The following UBE2L3 variants were observed in gnomAD, a reference collection of about 807,000 sequenced individuals.
UBE2L3 encodes ubiquitin-conjugating enzyme E2 L3.
A neutral mutation model predicts 17.8 loss-of-function variants in UBE2L3; 1 was observed. That is an observed-to-expected ratio of 0.06 (90% confidence interval 0.02 to 0.27). The LOEUF (loss-of-function observed/expected upper bound fraction) is 0.27, where lower values mean the gene tolerates loss of function less well. Among genes scored for constraint, UBE2L3 ranks in the 10% least tolerant of loss-of-function variants. UBE2L3 has a pLI of 1.00. For missense variants in UBE2L3, 40 were observed against 192.6 expected (o/e 0.21, Z 4.69); for synonymous variants, 44 against 68.5 (o/e 0.64, Z 1.76).
intron 2 of UBE2L3, among the ~76,000 whole-genome samples, chr22:21,610,007 C>A (rs1314055470): frequency 6.6e-6 from 1 of 152,098 alleles, no homozygotes; most frequent in African/African-American, 2.4e-5. Context: ...GCCTGGGCAA[C>A]AGACTCTGAA....
chr22:21,588,005 T>C (rs1376420079), intron 1 of UBE2L3, among the ~76,000 whole-genome samples: 1 of 152,242 alleles, frequency 6.6e-6, no homozygotes, highest in South Asian at 2.1e-4. Flanking sequence ...GGAAGCCTGC[T>C]GTCCCCATCA....
At chr22:21,570,248 G>T (rs1408497836) in intron 1 of UBE2L3, among the ~76,000 whole-genome samples, 1 of 151,986 alleles carries the variant, frequency 6.6e-6, no homozygotes, top group Non-Finnish European at 1.5e-5. Flanking sequence ...ACCCAGTTTG[G>T]AATCTCCAGG....
intron 2 of UBE2L3, among the ~76,000 whole-genome samples, chr22:21,606,104 T>G (rs1420222886): frequency 6.6e-6 from 1 of 152,236 alleles, no homozygotes; most frequent in East Asian, 1.9e-4. Flanking sequence ...TCAGACTCTT[T>G]AAGCTAGGAA....
At chr22:21,606,524 T>TC (rs1055059323) in intron 2 of UBE2L3, among the ~76,000 whole-genome samples, 9 of 152,122 alleles carry the variant, frequency 5.9e-5, no homozygotes, top group African/African-American at 2.2e-4. Context: ...TTTACTTACT[T>TC]CCCCCCACCA....
At chr22:21,619,737 G>A (rs748370006) in intron 3 of UBE2L3, among the ~76,000 whole-genome samples, 1 of 152,224 alleles carries the variant, frequency 6.6e-6, no homozygotes, top group East Asian at 1.9e-4. Flanking sequence ...TGTTGCCCAA[G>A]CTAGAGTGCA....
At chr22:21,563,784 C>T (rs1310656629), upstream of UBE2L3, among the ~76,000 whole-genome samples, 1 of 151,326 alleles carries the variant, frequency 6.6e-6, no homozygotes, top group Non-Finnish European at 1.5e-5. Flanking sequence ...ACTATGTTGG[C>T]CAGGCTGGTC....
At chr22:21,610,754 C>T (rs1357232203) in intron 2 of UBE2L3, 103 bp from the exon 3 acceptor site, 2 of 1,308,150 alleles carry the variant, frequency 1.5e-6, no homozygotes, top group African/African-American at 3.0e-5. Context: ...ACTTGAATCC[C>T]TTGAAATAAA....
chr22:21,612,117 C>G (rs1213352620), intron 3 of UBE2L3, among the ~76,000 whole-genome samples: 2 of 152,078 alleles, frequency 1.3e-5, no homozygotes, highest in African/African-American at 4.8e-5. Context: ...GAGTTCAAAG[C>G]CTTGCGCAAG....
chr22:21,617,040 C>G (rs1929814774), intron 3 of UBE2L3, among the ~76,000 whole-genome samples: 1 of 151,196 alleles, frequency 6.6e-6, no homozygotes, highest in African/African-American at 2.4e-5. Context: ...GAAACCCCGT[C>G]TCTACTAAAA....
chr22:21,604,219 G>T (rs1207747664), intron 2 of UBE2L3, among the ~76,000 whole-genome samples: 1 of 152,138 alleles, frequency 6.6e-6, no homozygotes, highest in Non-Finnish European at 1.5e-5. Flanking sequence ...GCTGAAATCA[G>T]CTGGGCGTAG....
rs749117705 is a variant in UBE2L3 at position 21,621,691 on chromosome 22, G to T, written c.*22G>T. 2 of 1,577,542 alleles carry T rather than the reference G, an allele frequency of 1.3e-6. No individual in the cohort carries two copies. Among genetic ancestry groups the T allele is most frequent in the Non-Finnish European group, 1.7e-6 (2 of 1,153,702 alleles). On this transcript the variant is annotated 3_prime_UTR_variant, in exon 4 of 4. Coordinates refer to ENST00000342192, the MANE Select transcript of UBE2L3 (RefSeq NM_003347.4). ...CTAAAATCTGCCACGATTGGTTCCA[G>T]CAAGTGTGAGCAGAGACCCCGTGCA...
chr22:21,555,296 G>C (rs1477740693), intron 1 of UBE2L3: 1 of 152,278 alleles, frequency 6.6e-6, no homozygotes, highest in Non-Finnish European at 1.5e-5. Context: ...CCACCAGCTT[G>C]TCTAAGGAGA....
intron 1 of UBE2L3, 89 bp downstream of exon 1, chr22:21,567,860 G>T: frequency 6.5e-6 from 10 of 1,548,694 alleles, no homozygotes; most frequent in Non-Finnish European, 8.7e-6. Flanking sequence ...TCAGGGCGCT[G>T]CCGTCTGGCT....
intron 2 of UBE2L3, among the ~76,000 whole-genome samples, chr22:21,597,933 G>T (rs1928632555): frequency 6.7e-6 from 1 of 149,330 alleles, no homozygotes; most frequent in African/African-American, 2.5e-5. Flanking sequence ...GGTACTGAAG[G>T]CATGAGCCAC....
chr22:21,598,963 C>A (rs1928707780), intron 2 of UBE2L3, among the ~76,000 whole-genome samples: 1 of 152,024 alleles, frequency 6.6e-6, no homozygotes, highest in South Asian at 2.1e-4. Flanking sequence ...CCTCAGCCTC[C>A]CTGGCAGCTG....
At chr22:21,565,162 C>T (rs1446271060), upstream of UBE2L3, among the ~76,000 whole-genome samples, 5 of 151,804 alleles carry the variant, frequency 3.3e-5, no homozygotes, top group Non-Finnish European at 5.9e-5. Flanking sequence ...GAGCTATCTC[C>T]ACTCACGGCA....
intron 2 of UBE2L3, among the ~76,000 whole-genome samples, chr22:21,604,674 C>T (rs1455751043): frequency 1.3e-5 from 2 of 152,164 alleles, no homozygotes; most frequent in Non-Finnish European, 2.9e-5. Context: ...GCAAGTTTAG[C>T]TCTAATGTTG....
At chr22:21,615,557 A>G (rs1222062476) in intron 3 of UBE2L3, among the ~76,000 whole-genome samples, 1 of 151,006 alleles carries the variant, frequency 6.6e-6, no homozygotes, top group Non-Finnish European at 1.5e-5. Flanking sequence ...TCCGTCTCAA[A>G]AAAAAAAAAA....
At chr22:21,581,230 A>AT (rs1927618499) in intron 1 of UBE2L3, among the ~76,000 whole-genome samples, 2 of 151,828 alleles carry the variant, frequency 1.3e-5, no homozygotes, top group Admixed American at 1.3e-4. Context: ...TAATTTTTGC[A>AT]TTTTTTGGTA....
Sources: gnomAD v4.1 joint callset for allele counts (sites outside exome capture counted in the v4.1 genomes callset) on GRCh38, gnomAD v4.1.1 for gene constraint, MANE v1.5 for transcripts, NCBI Gene and HGNC (gene_info 2026-07-23, HGNC 2026-07-21) for gene names.